The following HAP1 variants were observed in gnomAD, a reference collection of about 807,000 sequenced individuals.
HAP1 encodes huntingtin associated protein 1.
In HAP1, 59 loss-of-function variants were observed where a neutral mutation model predicts 60.3. The ratio of observed to expected loss-of-function variants is 0.98; its 90% CI spans 0.79 to 1.22. The LOEUF (loss-of-function observed/expected upper bound fraction) is 1.22. Among genes scored for constraint, HAP1 ranks in the 50% most tolerant of loss-of-function variants. HAP1 has a pLI of 0.00. For synonymous variants in HAP1, 346 were observed against 330.6 expected, an observed-to-expected ratio of 1.05 and a Z score of -0.50; for missense variants, 825 against 785.3, an observed-to-expected ratio of 1.05 and a Z score of -0.60.
chr17:41,717,958 C>T (rs1555586276), downstream of HAP1: 1 of 468,644 alleles, frequency 2.1e-6, no homozygotes, highest in South Asian at 1.6e-5. Context: ...CCTTGAGCTA[C>T]CCGCCACCTG....
chr17:41,719,376 C>T (rs1324805682), downstream of HAP1, among the ~76,000 whole-genome samples: 1 of 152,184 alleles, frequency 6.6e-6, no homozygotes, highest in Non-Finnish European at 1.5e-5. Context: ...GAGCCACCAT[C>T]ATTGCCAGAA....
downstream of HAP1, chr17:41,717,946 T>G (rs1318820976): frequency 2.1e-6 from 1 of 466,842 alleles, no homozygotes; most frequent in Non-Finnish European, 4.5e-6. Flanking sequence ...TTGACACCAT[T>G]ACCTTGAGCT....
Position 41,722,650 on chromosome 17 carries a change from T to C in HAP1, c.*2051A>G, listed in dbSNP as rs1348385400. 6.6e-6 allele frequency: 1 copy of C among 152,266 alleles called. No homozygotes were observed. The highest frequency in any genetic ancestry group is 1.5e-5 in the Non-Finnish European group (1 of 68,126). 9.4% of individuals were successfully genotyped at this position (152,266 alleles called of 1,614,324 possible). A position where few individuals can be genotyped will look rare whatever the true frequency, so the allele number is the denominator to read the frequency against. ...AGCTGGAGGCTGGGCCAGGAGGGTA[T>C]AGATCCTTTATTTCCTGCACCACAC... On this transcript the variant is annotated 3_prime_UTR_variant, in exon 11 of 11. Transcript: ENST00000347901.
downstream of HAP1, chr17:41,720,993 G>A (rs1410892142): frequency 6.6e-6 from 1 of 151,958 alleles, no homozygotes; most frequent in East Asian, 1.9e-4. Flanking sequence ...TGGAGACGGG[G>A]TTTCTCCATT....
At chr17:41,725,298 G>A in intron 10 of HAP1, 144 bp from the exon 11 acceptor site, 2 of 662,276 alleles carry the variant, frequency 3.0e-6, no homozygotes, top group Non-Finnish European at 5.0e-6. Flanking sequence ...CCAGCTCCAA[G>A]GCTTCAAATA....
In HAP1 at chr17:41,724,692, C is replaced by T. The variant is rs1555588095; in HGVS notation, c.*9G>A. On this transcript the variant is annotated 3_prime_UTR_variant, in exon 11 of 11. Coordinates refer to ENST00000347901, the MANE Select transcript of HAP1 (RefSeq NM_177977.3). ...GTGAGCACTCGGGGAGCTTATCCAC[C>T]CTCTCTTTTCATCGGCACGACGATC... 5 of 1,578,292 alleles carry T rather than the reference C, an allele frequency of 3.2e-6. No homozygotes were observed. In the South Asian group the frequency reaches 5.7e-5, roughly 18 times the overall value.
Position 41,734,181 on chromosome 17 carries a change from G to C in HAP1, c.454C>G (p.Arg152Gly), listed in dbSNP as rs781899185. The part of the protein sequence containing the change: ...VSGPERAAFI[R>G]ELEEALCPNL... ...CCCGATTTACCTTCCTCCAGCTCCC[G>C]AATAAAGGCGGCGCGCTCAGGGCCG... Residue 152 changes from arginine (R) to glycine (G), a missense_variant, in exon 1 of 11, where the codon CGG becomes GGG. Arg to Gly is a moderately radical substitution (Grantham distance 125). Coordinates refer to ENST00000347901, the MANE Select transcript of HAP1 (RefSeq NM_177977.3). 2 of 1,585,170 alleles carry C rather than the reference G, an allele frequency of 1.3e-6. No individual in the cohort carries two copies. The highest frequency in any genetic ancestry group is 1.7e-6 in the Non-Finnish European group (2 of 1,159,858).
Position 41,724,495 on chromosome 17 carries a change from C to T in HAP1, c.*206G>A, listed in dbSNP as rs1555587997. ...GTGGGGGCACAGTCCCAGCCCTAAC[C>T]CCCAGCCCAGCCCCCAGGAGAAAAG... On this transcript the variant is annotated 3_prime_UTR_variant, in exon 11 of 11. Coordinates refer to ENST00000347901, the MANE Select transcript of HAP1 (RefSeq NM_177977.3). 1 of 587,208 alleles carries T rather than the reference C, an allele frequency of 1.7e-6. No individual in the cohort carries two copies. Among genetic ancestry groups the T allele is most frequent in the Non-Finnish European group, 3.0e-6 (1 of 329,630 alleles). The allele number at this position is 587,208 out of a possible 1,614,324, so 36.4% of individuals were successfully genotyped here. A position where few individuals can be genotyped will look rare whatever the true frequency, so the allele number is the denominator to read the frequency against.
At chr17:41,729,276 A>G (rs1911932201) in intron 6 of HAP1, among the ~76,000 whole-genome samples, 1 of 150,390 alleles carries the variant, frequency 6.6e-6, no homozygotes, top group East Asian at 2.1e-4. Flanking sequence ...TGGGACAGGC[A>G]CAGTGGCTCA....
rs1555591514 is a variant in HAP1, at chr17:41,732,896, TCTC to T, written c.470-101_470-99del. Reference sequence around the variant, plus strand: ...AGCTGTTTCCCGTCCTATCGTCAGTTCTCCAACAAGGGTCATCGGGAGAGAAGA... The same window carrying T: ...AGCTGTTTCCCGTCCTATCGTCAGTTCAACAAGGGTCATCGGGAGAGAAGA... On this transcript the variant is annotated intron_variant, in intron 1 of 10. Coordinates refer to ENST00000347901, the MANE Select transcript of HAP1 (RefSeq NM_177977.3). 3.9e-6 allele frequency: 3 copies of T among 775,476 alleles called. No individual in the cohort carries two copies. The African/African-American group carries it at 5.1e-5, about 13-fold the overall frequency. 48.0% of individuals were successfully genotyped at this position (775,476 alleles called of 1,614,324 possible).
chr17:41,729,899 C>A (rs1199589611), intron 6 of HAP1, among the ~76,000 whole-genome samples: 1 of 139,124 alleles, frequency 7.2e-6, no homozygotes, highest in Non-Finnish European at 1.5e-5. Context: ...ATTTGCCAGG[C>A]GTGATGGCAC....
rs377216488 is a variant in HAP1 at position 41,731,433 on chromosome 17, T to C, written c.1069+60A>G. 1.4e-4 allele frequency: 160 copies of C among 1,159,764 alleles called. No homozygotes were observed. In the African/African-American group the frequency reaches 2.2e-3, roughly 16 times the overall value. The allele number at this position is 1,159,764 out of a possible 1,614,324, so 71.8% of individuals were successfully genotyped here. A position where few individuals can be genotyped will look rare whatever the true frequency, so the allele number is the denominator to read the frequency against. Reference sequence around the variant, plus strand: ...AACTTGGATCTCCATACTCCACATCTTGAGTTCTTTTCTCTGCTCCTTGGG... The same window carrying C: ...AACTTGGATCTCCATACTCCACATCCTGAGTTCTTTTCTCTGCTCCTTGGG... On this transcript the variant is annotated intron_variant, in intron 6 of 10. Coordinates refer to ENST00000347901, the MANE Select transcript of HAP1 (RefSeq NM_177977.3).
At position 41,734,601 on chromosome 17, in the gene HAP1, C is replaced by G. The variant is rs1555592383; in HGVS notation, c.34G>C (p.Gly12Arg). 6.4e-7 allele frequency: 1 copy of G among 1,567,098 alleles called. No homozygotes were observed. The highest frequency in any genetic ancestry group is 2.3e-5 in the East Asian group (1 of 43,632). The change falls in exon 1 of 11, where the codon GGG becomes CGG. Residue 12 changes from glycine to arginine, a missense_variant. Gly to Arg is a moderately radical substitution (Grantham distance 125). Coordinates refer to ENST00000347901, the MANE Select transcript of HAP1 (RefSeq NM_177977.3). ...RPKRLGRCCA[G>R]SRLGPGDPAA... is the part of the protein sequence containing the mutation. ...GGGTCCCCGGGTCCGAGCCGGCTCC[C>G]CGCGCAGCACCGGCCCAACCTCTTC...
Position 41,731,548 on chromosome 17 carries a change from G to A in HAP1, c.1014C>T (p.Leu338=), listed in dbSNP as rs782353223. Residue 338 remains leucine (L), a synonymous_variant, in exon 6 of 11, where the codon CTC becomes CTT. Transcript: ENST00000347901. ...TCTGTTCCTCATCCTCAAGAGTGTCGAGTTGAGAGGCCTGGAGGGAGACAA... is the reference window on the plus strand; with the variant it reads ...TCTGTTCCTCATCCTCAAGAGTGTCAAGTTGAGAGGCCTGGAGGGAGACAA... ...NHQLREEASQ[L]DTLEDEEQML... is the part of the protein sequence containing the mutation. 20 of 1,611,992 alleles carry A rather than the reference G, an allele frequency of 1.2e-5. No individual in the cohort carries two copies. Among genetic ancestry groups the A allele is most frequent in the African/African-American group, 1.2e-4 (9 of 74,836 alleles).
chr17:41,725,070 C>A lies in HAP1; in HGVS notation c.1491G>T (p.Met497Ile), dbSNP rs1028675150. ...EEGLMLAADIMRGEDFTPAEE... is the reference protein window; with the variant it reads ...EEGLMLAADIIRGEDFTPAEE... ...CCGCAGGCGTGAAATCTTCCCCCCGCATGATATCCGCTGCCAGCATCAACC... is the reference window on the plus strand; with the variant it reads ...CCGCAGGCGTGAAATCTTCCCCCCGAATGATATCCGCTGCCAGCATCAACC... The change falls in exon 11 of 11, where the codon ATG becomes ATT. Residue 497 changes from methionine to isoleucine, a missense_variant. Met to Ile is a conservative substitution (Grantham distance 10). Transcript: ENST00000347901. 1.2e-6 allele frequency: 2 copies of A among 1,612,604 alleles called. No homozygotes were observed. The highest frequency in any genetic ancestry group is 4.5e-5 in the East Asian group (2 of 44,836).
At position 41,732,071 on chromosome 17, in the gene HAP1, C is replaced by T; in HGVS notation, c.762G>A (p.Gln254=). The part of the protein sequence containing the change: ...HQVNLRDELL[Q]LYSDSDEEDE... Reference sequence around the variant, plus strand: ...CCTCCTCATCAGAATCTGAGTAGAGCTGGAGGAGCTCATCCCGCAAGTTCA... The same window carrying T: ...CCTCCTCATCAGAATCTGAGTAGAGTTGGAGGAGCTCATCCCGCAAGTTCA... Residue 254 remains glutamine (Q), a synonymous_variant, in exon 4 of 11, where the codon CAG becomes CAA. Coordinates refer to ENST00000347901, the MANE Select transcript of HAP1 (RefSeq NM_177977.3). The T allele has an allele frequency of 6.2e-7, 1 of 1,612,678 alleles. No homozygotes were observed. Among genetic ancestry groups the T allele is most frequent in the East Asian group, 2.2e-5 (1 of 44,876 alleles).
intron 6 of HAP1, 52 bp from the exon 7 acceptor site, chr17:41,728,383 C>G: frequency 6.4e-7 from 1 of 1,572,672 alleles, no homozygotes. Flanking sequence ...CTTCAGGGAC[C>G]AGCTCTGGCC....
chr17:41,729,593 T>G, intron 6 of HAP1, among the ~76,000 whole-genome samples: 1 of 126,344 alleles, frequency 7.9e-6, no homozygotes. Flanking sequence ...AATGCGGTCT[T>G]GGCCGGGCGT....
downstream of HAP1, chr17:41,720,773 G>T (rs555246625): frequency 3.5e-4 from 53 of 152,052 alleles, no homozygotes; most frequent in African/African-American, 1.2e-3. Flanking sequence ...CCCACCCAAG[G>T]GGTGGGATAA....
Sources: gnomAD v4.1 joint callset for allele counts (sites outside exome capture counted in the v4.1 genomes callset) on GRCh38, gnomAD v4.1.1 for gene constraint, MANE v1.5 for transcripts, NCBI Gene and HGNC (gene_info 2026-07-23, HGNC 2026-07-21) for gene names.